SGCD: variants seen among roughly 807,000 people sequenced by gnomAD.
The protein encoded by SGCD is delta-sarcoglycan.
A neutral mutation model predicts 36.6 loss-of-function variants in SGCD; 18 were observed. The observed-to-expected ratio is 0.49, with a 90% CI of 0.34 to 0.73. SGCD has a LOEUF of 0.73. Among genes scored for constraint, SGCD ranks in the 30% least tolerant of loss-of-function variants. The probability of loss-of-function intolerance (pLI) is 0.01; values close to 1 mark genes in which losing one functional copy is unlikely to be tolerated. For missense variants in SGCD, 387 were observed against 346.7 expected, an observed-to-expected ratio of 1.12 and a Z score of -0.92; for synonymous variants, 133 against 130.6, an observed-to-expected ratio of 1.02 and a Z score of -0.12.
intron 7 of SGCD, among the ~76,000 whole-genome samples, chr5:156,736,627 C>T (rs1480897469): frequency 6.6e-6 from 1 of 152,136 alleles, no homozygotes; most frequent in Non-Finnish European, 1.5e-5. Context: ...TCCTGGTTAC[C>T]TGAGCCCCAT....
chr5:155,749,352 T>A, the SGCD span, among the ~76,000 whole-genome samples: 3 of 152,214 alleles, frequency 2.0e-5, no homozygotes, highest in Non-Finnish European at 2.9e-5. Context: ...GAGCTTGACA[T>A]CAAGGTATAA....
At chr5:156,469,377 A>G (rs1041899643) in intron 3 of SGCD, among the ~76,000 whole-genome samples, 2 of 152,238 alleles carry the variant, frequency 1.3e-5, no homozygotes, top group African/African-American at 4.8e-5. Context: ...GCTTATTATG[A>G]TAATCCAAGC....
chr5:156,681,413 C>T (rs562533145), intron 7 of SGCD, among the ~76,000 whole-genome samples: 17 of 152,268 alleles, frequency 1.1e-4, no homozygotes, highest in African/African-American at 2.4e-4. Context: ...ATCCTCTCCA[C>T]GCAGCCACTG....
Position 156,760,393 on chromosome 5 carries a change from G to A in SGCD, c.*1003G>A, listed in dbSNP as rs1317495554. ...AGAGTAGCATAAGGAACCTAATTAT[G>A]TTTACCATGTTTCTTGGGATTGGTG... On this transcript the variant is annotated 3_prime_UTR_variant, in exon 9 of 9. Coordinates refer to ENST00000337851, the MANE Select transcript of SGCD (RefSeq NM_000337.6). 2 of 152,162 alleles carry A rather than the reference G, an allele frequency of 1.3e-5. No homozygotes were observed. The highest frequency in any genetic ancestry group is 2.9e-5 in the Non-Finnish European group (2 of 68,028). The allele number at this position is 152,162 out of a possible 1,614,324, so 9.4% of individuals were successfully genotyped here.
chr5:155,964,162 A>G (rs1757851650), intron 1 of SGCD, among the ~76,000 whole-genome samples: 1 of 152,144 alleles, frequency 6.6e-6, no homozygotes. Flanking sequence ...TGACTTAAAT[A>G]TGCTTCATCA....
At chr5:156,621,044 T>G (rs1762225703) in intron 6 of SGCD, among the ~76,000 whole-genome samples, 1 of 152,238 alleles carries the variant, frequency 6.6e-6, no homozygotes, top group African/African-American at 2.4e-5. Context: ...TTATTTAAGC[T>G]GTAGTGTAGG....
At chr5:155,914,791 T>C (rs889961109) in intron 1 of SGCD, among the ~76,000 whole-genome samples, 3 of 152,162 alleles carry the variant, frequency 2.0e-5, no homozygotes, top group African/African-American at 7.2e-5. Context: ...GTGAAAGGAA[T>C]TTCTATACTG....
intron 3 of SGCD, among the ~76,000 whole-genome samples, chr5:156,229,325 C>A (rs1262724194): frequency 4.5e-5 from 2 of 44,594 alleles, no homozygotes; most frequent in African/African-American, 1.6e-4. Flanking sequence ...ATTGGTTCTT[C>A]CCTCTAGAGA....
In SGCD at chr5:156,475,475, C is replaced by G. The variant is rs140861205; in HGVS notation, c.193-33126C>G. Among the ~76,000 whole-genome samples, 593 of 152,250 alleles carry G rather than the reference C, an allele frequency of 3.9e-3. 2 individuals are homozygous for G. Among genetic ancestry groups the G allele is most frequent in the African/African-American group, 0.013 (552 of 41,554 alleles). On this transcript the variant is annotated intron_variant, in intron 3 of 8. Coordinates refer to ENST00000337851, the MANE Select transcript of SGCD (RefSeq NM_000337.6). The stretch of plus-strand genomic sequence containing the variant: ...ATTCTGTCCCTTTTTGTAAATAGAC[C>G]ACAGCACAGTGCATCTCTTATTTAG...
chr5:156,307,554 TG>T (rs67112440), intron 3 of SGCD, among the ~76,000 whole-genome samples: 9,344 of 84,328 alleles, frequency 0.11, 1,830 homozygotes, highest in East Asian at 0.24. Flanking sequence ...TTTTAACTGT[TG>T]TTTTTTTTTT....
In SGCD at chr5:155,907,097, G is replaced by A. The variant is rs1221120467; in HGVS notation, c.-282+36673G>A. ...AAATCCTATGGCCCTTGAAAATGAT[G>A]CAAAATCTACTCTGCCTGTGCTCTA... On this transcript the variant is annotated intron_variant, in intron 1 of 9. Transcript: ENST00000517913. 2.1e-5 allele frequency among the ~76,000 whole-genome samples: 3 copies of A among 146,210 alleles called. No individual in the cohort carries two copies. The East Asian group carries it at 6.1e-4, about 30-fold the overall frequency.
chr5:156,605,024 A>G (rs1213204296), intron 6 of SGCD, among the ~76,000 whole-genome samples: 3 of 150,590 alleles, frequency 2.0e-5, no homozygotes, highest in Admixed American at 1.3e-4. Flanking sequence ...TTATGAATTT[A>G]CTTCTTTTTT....
At chr5:156,628,051 C>G (rs1762499009) in intron 6 of SGCD, among the ~76,000 whole-genome samples, 1 of 152,098 alleles carries the variant, frequency 6.6e-6, no homozygotes, top group Non-Finnish European at 1.5e-5. Flanking sequence ...TTTGGGGAAG[C>G]CTCAGGAAAC....
At chr5:155,947,847 G>A (rs1270271322) in intron 1 of SGCD, among the ~76,000 whole-genome samples, 2 of 151,966 alleles carry the variant, frequency 1.3e-5, no homozygotes, top group Non-Finnish European at 1.5e-5. Context: ...GAGATTGAGA[G>A]TTCAGAGTTT....
At chr5:156,503,598 G>A (rs187652034) in intron 3 of SGCD, among the ~76,000 whole-genome samples, 48 of 152,200 alleles carry the variant, frequency 3.2e-4, no homozygotes, top group Admixed American at 2.9e-3. Context: ...TAATGACTAC[G>A]AATGTAAAGT....
At chr5:156,492,795 T>C (rs983898462) in intron 3 of SGCD, among the ~76,000 whole-genome samples, 2 of 152,130 alleles carry the variant, frequency 1.3e-5, no homozygotes, top group Non-Finnish European at 2.9e-5. Context: ...CTCCCACTTA[T>C]TAGTGAGAAC....
chr5:155,992,925 T>A (rs1758463287), intron 1 of SGCD, among the ~76,000 whole-genome samples: 1 of 152,236 alleles, frequency 6.6e-6, no homozygotes, highest in South Asian at 2.1e-4. Flanking sequence ...CTCTTCCATA[T>A]GCAAACTAAC....
intron 7 of SGCD, among the ~76,000 whole-genome samples, chr5:156,692,064 AAAATC>A (rs1376866134): frequency 6.6e-6 from 1 of 152,192 alleles, no homozygotes; most frequent in Non-Finnish European, 1.5e-5. Context: ...TTTTCACATA[AAAATC>A]AAATTAGAAG....
At chr5:156,478,138 T>C (rs1436853241) in intron 3 of SGCD, among the ~76,000 whole-genome samples, 1 of 152,174 alleles carries the variant, frequency 6.6e-6, no homozygotes, top group Non-Finnish European at 1.5e-5. Context: ...TAATGGTTCC[T>C]ACTTCAATGG....
Sources: gnomAD v4.1 joint callset for allele counts (sites outside exome capture counted in the v4.1 genomes callset) on GRCh38, gnomAD v4.1.1 for gene constraint, MANE v1.5 for transcripts, NCBI Gene and HGNC (gene_info 2026-07-23, HGNC 2026-07-21) for gene names.